Variants in BCL7A observed in about 807,000 individuals in gnomAD.
BCL7A encodes the protein B-cell CLL/lymphoma 7 protein family member A.
Under a neutral mutation model 28.4 loss-of-function variants are expected in BCL7A, and 11 were observed. The observed-to-expected ratio is 0.39, with a 90% CI of 0.24 to 0.64. BCL7A has a LOEUF of 0.64. Among genes scored for constraint, BCL7A ranks in the 30% least tolerant of loss-of-function variants. BCL7A has a pLI of 0.50. For synonymous variants in BCL7A, 123 were observed against 103.3 expected (o/e 1.19, Z -1.15); for missense variants, 222 against 274.8 (o/e 0.81, Z 1.36).
intron 1 of BCL7A, among the ~76,000 whole-genome samples, chr12:122,025,435 A>G (rs746217084): frequency 6.6e-6 from 1 of 151,300 alleles, no homozygotes; most frequent in African/African-American, 2.4e-5. Context: ...CCATCCTGGC[A>G]AACATGGTGA....
In BCL7A at chr12:122,059,495, T is replaced by C. The variant is rs1593039654; in HGVS notation, c.*332T>C. 3 of 309,070 alleles carry C rather than the reference T, an allele frequency of 9.7e-6. No homozygotes were observed. The highest frequency in any genetic ancestry group is 1.0e-4 in the East Asian group (2 of 19,892). 19.1% of individuals were successfully genotyped at this position (309,070 alleles called of 1,614,324 possible). ...CCCCCCACTTCTCTATGTAACGATA[T>C]AAGCTATCGGAGGGTGGTACCGATC... On this transcript the variant is annotated 3_prime_UTR_variant, in exon 6 of 6. Transcript: ENST00000261822. The surrounding 1 kb of genome is among the most constrained non-coding windows in gnomAD (Gnocchi z 4.0).
In BCL7A at chr12:122,027,803, C is replaced by T. The variant is rs535835877; in HGVS notation, c.93-2897C>T. 2.3e-5 allele frequency among the ~76,000 whole-genome samples: 3 copies of T among 133,302 alleles called. No individual in the cohort carries two copies. The East Asian group carries it at 8.5e-4, about 38-fold the overall frequency. 87.5% of individuals were successfully genotyped at this position (133,302 alleles called of 152,430 possible). ...AGTGAGCCGAGATTGTGCCACTGCA[C>T]TCCAGCCTGGGCCACAGAGCAGGAG... On this transcript the variant is annotated intron_variant, in intron 1 of 5. Coordinates refer to ENST00000261822, the MANE Select transcript of BCL7A (RefSeq NM_001024808.3).
At chr12:122,030,475 C>T (rs540937303) in intron 1 of BCL7A, among the ~76,000 whole-genome samples, 21 of 152,308 alleles carry the variant, frequency 1.4e-4, no homozygotes, top group African/African-American at 4.1e-4. Flanking sequence ...GCCTTTTTGG[C>T]GACAGCCTGG....
chr12:122,024,070 C>A (rs1883550768), intron 1 of BCL7A, among the ~76,000 whole-genome samples: 1 of 152,238 alleles, frequency 6.6e-6, no homozygotes, highest in East Asian at 1.9e-4. Context: ...GGCTTCCCAC[C>A]CCGCGGGCCC....
chr12:122,043,167 G>A (rs900477681), intron 3 of BCL7A, among the ~76,000 whole-genome samples: 13 of 151,918 alleles, frequency 8.6e-5, no homozygotes, highest in African/African-American at 2.9e-4. Context: ...TGGCAATCCC[G>A]CCTCACGGAC....
chr12:122,050,299 G>T (rs937544855), intron 4 of BCL7A, among the ~76,000 whole-genome samples: 5 of 88,522 alleles, frequency 5.6e-5, no homozygotes, highest in South Asian at 2.9e-4. Flanking sequence ...TCTTTATTGT[G>T]GGGGGGGGGC....
chr12:122,038,354 T>A (rs1295241598), intron 3 of BCL7A, among the ~76,000 whole-genome samples: 2 of 136,142 alleles, frequency 1.5e-5, no homozygotes, highest in Non-Finnish European at 3.1e-5. Flanking sequence ...ATCGCTTGAA[T>A]CTGGGAGGCG....
At chr12:122,023,244 T>C (rs1883516383) in intron 1 of BCL7A, among the ~76,000 whole-genome samples, 2 of 152,308 alleles carry the variant, frequency 1.3e-5, no homozygotes, top group South Asian at 2.1e-4. Context: ...TTCAACTTTA[T>C]TATTTTTTTC....
At position 122,022,194 on chromosome 12, in the gene BCL7A, GC is replaced by G; in HGVS notation, c.92+12del. The G allele has an allele frequency of 6.9e-7, 1 of 1,451,236 alleles. No individual in the cohort carries two copies. The highest frequency in any genetic ancestry group is 9.2e-7 in the Non-Finnish European group (1 of 1,091,996). The allele number at this position is 1,451,236 out of a possible 1,614,324, so 89.9% of individuals were successfully genotyped here. ...GAAAGTGCGCAAATGGTAAGCGGAG[GC>G]GCCCGCCGCCAGCCGCCTCCCCGGC... On this transcript the variant is annotated intron_variant, in intron 1 of 5. Coordinates refer to ENST00000261822, the MANE Select transcript of BCL7A (RefSeq NM_001024808.3).
intron 4 of BCL7A, among the ~76,000 whole-genome samples, chr12:122,053,614 G>T (rs942230095): frequency 9.2e-5 from 14 of 151,996 alleles, no homozygotes; most frequent in Admixed American, 9.2e-4. Flanking sequence ...GCCCCTTCAC[G>T]AGTGTCTGGC....
rs1387155751 is a variant in BCL7A at position 122,059,446 on chromosome 12, C to T, written c.*283C>T. On this transcript the variant is annotated 3_prime_UTR_variant, in exon 6 of 6. Coordinates refer to ENST00000261822, the MANE Select transcript of BCL7A (RefSeq NM_001024808.3). This position sits in a 1 kb window ranked among gnomAD's most constrained non-coding sequence, Gnocchi z 4.0. The stretch of plus-strand genomic sequence containing the variant: ...GCACACTGTCTCGGAAGCCAGGATT[C>T]CATTTGTGTTGCTGCTGTATTTTCC... 1 of 346,338 alleles carries T rather than the reference C, an allele frequency of 2.9e-6. No individual in the cohort carries two copies. Among genetic ancestry groups the T allele is most frequent in the African/African-American group, 2.0e-5 (1 of 48,868 alleles). The allele number at this position is 346,338 out of a possible 1,614,324, so 21.5% of individuals were successfully genotyped here. A position where few individuals can be genotyped will look rare whatever the true frequency, so the allele number is the denominator to read the frequency against.
At chr12:122,030,008 G>A (rs537393734) in intron 1 of BCL7A, among the ~76,000 whole-genome samples, 3 of 152,152 alleles carry the variant, frequency 2.0e-5, no homozygotes, top group South Asian at 2.1e-4. Context: ...TCTGGACTCC[G>A]TCCTTCAGGC....
Position 122,035,313 on chromosome 12 carries a change from C to T in BCL7A, c.175-18C>T, listed in dbSNP as rs759659695. ...ACATGATCTGGTGACTTGGTTTCTG[C>T]TCCATTTTCCCCTGCAGAAAAACAA... On this transcript the variant is annotated intron_variant, in intron 2 of 5. Transcript: ENST00000261822. 2.8e-5 allele frequency: 45 copies of T among 1,610,242 alleles called. No individual in the cohort carries two copies. In the South Asian group the frequency reaches 4.7e-4, roughly 17 times the overall value.
In BCL7A at chr12:122,061,446, A is replaced by T. The variant is rs1299880755; in HGVS notation, c.*2283A>T. On this transcript the variant is annotated 3_prime_UTR_variant, in exon 6 of 6. Transcript: ENST00000261822. ...CCACGGCCACGCCAGGCAAAGCGCCAGCAGCCCTGCACTCCACGCTGGCCA... is the reference window on the plus strand; with the variant it reads ...CCACGGCCACGCCAGGCAAAGCGCCTGCAGCCCTGCACTCCACGCTGGCCA... The T allele has an allele frequency of 4.3e-6, 1 of 231,800 alleles. No homozygotes were observed. The highest frequency in any genetic ancestry group is 8.5e-6 in the Non-Finnish European group (1 of 117,310). 14.4% of individuals were successfully genotyped at this position (231,800 alleles called of 1,614,324 possible). A position where few individuals can be genotyped will look rare whatever the true frequency, so the allele number is the denominator to read the frequency against.
intron 1 of BCL7A, among the ~76,000 whole-genome samples, chr12:122,024,445 T>A (rs573906394): frequency 6.9e-6 from 1 of 144,402 alleles, no homozygotes; most frequent in South Asian, 2.3e-4. Context: ...TGTAGAAACT[T>A]GGCTTTGAGG....
Position 122,060,339 on chromosome 12 carries a change from C to T in BCL7A, c.*1176C>T, listed in dbSNP as rs543018615. 119 of 232,812 alleles carry T rather than the reference C, an allele frequency of 5.1e-4. 1 individual carries two copies. The East Asian group carries it at 7.0e-3, about 14-fold the overall frequency. 14.4% of individuals were successfully genotyped at this position (232,812 alleles called of 1,614,324 possible). A position where few individuals can be genotyped will look rare whatever the true frequency, so the allele number is the denominator to read the frequency against. On this transcript the variant is annotated 3_prime_UTR_variant, in exon 6 of 6. Coordinates refer to ENST00000261822, the MANE Select transcript of BCL7A (RefSeq NM_001024808.3). The stretch of plus-strand genomic sequence containing the variant: ...CCCAGAACATGCCGTCTGTCCCCAC[C>T]GGGGAGTGGGCCTTGATGGCCGGGC...
At chr12:122,049,259 A>G (rs1363699677) in intron 4 of BCL7A, among the ~76,000 whole-genome samples, 1 of 150,374 alleles carries the variant, frequency 6.7e-6, no homozygotes, top group East Asian at 1.9e-4. Flanking sequence ...AAAAAGAAGA[A>G]GAAAGTAAGA....
chr12:122,043,218 A>C (rs1295015485), intron 3 of BCL7A, among the ~76,000 whole-genome samples: 4 of 152,032 alleles, frequency 2.6e-5, no homozygotes, highest in Non-Finnish European at 4.4e-5. Flanking sequence ...CAGACACACA[A>C]GACGTCTGGT....
Position 122,021,916 on chromosome 12 carries a change from T to TTGTG in BCL7A, c.-166_-163dup, listed in dbSNP as rs72047889. 1.2e-3 allele frequency: 427 copies of TTGTG among 353,832 alleles called. 4 individuals carry two copies. Among genetic ancestry groups the TTGTG allele is most frequent in the Admixed American group, 4.4e-3 (89 of 20,094 alleles). The allele number at this position is 353,832 out of a possible 1,614,324, so 21.9% of individuals were successfully genotyped here. A position where few individuals can be genotyped will look rare whatever the true frequency, so the allele number is the denominator to read the frequency against. ...GCCAGGCGCGCGGCGGCCCCGGGCT[T>TTGTG]TGTGTGTGTGTGTATGTGTGTGTGT... is the stretch of plus-strand genomic sequence containing the variant. On this transcript the variant is annotated 5_prime_UTR_variant, in exon 1 of 6. Transcript: ENST00000261822.
Sources: allele counts gnomAD v4.1 joint callset (sites outside exome capture counted in the v4.1 genomes callset), GRCh38; gene constraint gnomAD v4.1.1; non-coding constraint Gnocchi (gnomAD v3.1); transcripts MANE v1.5; gene names NCBI Gene and HGNC (gene_info 2026-07-23, HGNC 2026-07-21).